The following HOTAIR variants were observed in gnomAD, a reference collection of about 807,000 sequenced individuals.
The protein encoded by HOTAIR is HOX transcript antisense RNA, also known as HOX transcript antisense RNA (non-protein coding).
chr12:53,970,455 C>T (rs1939131459), intron 1 of HOTAIR, among the ~76,000 whole-genome samples: 3 of 152,220 alleles, frequency 2.0e-5, no homozygotes, highest in South Asian at 4.1e-4. Context: ...CAGTAAATGT[C>T]TAGCTGACCT....
intron 1 of HOTAIR, among the ~76,000 whole-genome samples, chr12:53,969,291 G>A (rs1939110377): frequency 6.6e-6 from 1 of 152,242 alleles, no homozygotes; most frequent in African/African-American, 2.4e-5. Flanking sequence ...GCTTTTATGG[G>A]AAGAAATAGG....
intron 1 of HOTAIR, among the ~76,000 whole-genome samples, chr12:53,970,705 C>T (rs1425340761): frequency 2.0e-5 from 3 of 152,160 alleles, no homozygotes; most frequent in African/African-American, 4.8e-5. Flanking sequence ...GAAATAGGGC[C>T]GCCAGCAGCT....
chr12:53,962,645 A>G (rs1219723304), exon 7 of HOTAIR: 2 of 148,792 alleles, frequency 1.3e-5, no homozygotes, highest in Non-Finnish European at 3.0e-5. Flanking sequence ...ACAATTCTCT[A>G]GCAATCTTAA....
intron 5 of HOTAIR, among the ~76,000 whole-genome samples, chr12:53,964,563 C>T (rs952773672): frequency 6.6e-6 from 1 of 152,332 alleles, no homozygotes; most frequent in African/African-American, 2.4e-5. Context: ...CTGTCCCCTG[C>T]ACTTCCTGCT....
rs1406042044 is a variant in HOTAIR, at chr12:53,973,895, CAAGGAGCCGGCCA to C, written n.59+990_59+1002del. 1 of 1,448,170 alleles carries C rather than the reference CAAGGAGCCGGCCA, an allele frequency of 6.9e-7. No individual in the cohort carries two copies. Among genetic ancestry groups the C allele is most frequent in the African/African-American group, 1.4e-5 (1 of 69,282 alleles). The allele number at this position is 1,448,170 out of a possible 1,614,324, so 89.7% of individuals were successfully genotyped here. On this transcript the variant is annotated intron_variant and non_coding_transcript_variant, in intron 1 of 6. Transcript: ENST00000424518. The surrounding 1 kb of genome is among the most constrained non-coding windows in gnomAD (Gnocchi z 4.3). The stretch of plus-strand genomic sequence containing the variant: ...CGTCCGGTTCAGCCCACTCCGTGGC[CAAGGAGCCGGCCA>C]AAGGAGCCGCCCCCAGTAGGTAGCA...
At chr12:53,965,420 T>C (rs1255275164) in intron 5 of HOTAIR, among the ~76,000 whole-genome samples, 1 of 152,270 alleles carries the variant, frequency 6.6e-6, no homozygotes, top group African/African-American at 2.4e-5. Context: ...AAGTGGGCAC[T>C]GGTCCCAAAG....
chr12:53,973,825 C>G lies in HOTAIR; in HGVS notation n.59+1073G>C. 1 of 1,499,396 alleles carries G rather than the reference C, an allele frequency of 6.7e-7. No homozygotes were observed. Among genetic ancestry groups the G allele is most frequent in the Non-Finnish European group, 8.9e-7 (1 of 1,125,788 alleles). The allele number at this position is 1,499,396 out of a possible 1,614,324, so 92.9% of individuals were successfully genotyped here. A position where few individuals can be genotyped will look rare whatever the true frequency, so the allele number is the denominator to read the frequency against. On this transcript the variant is annotated intron_variant and non_coding_transcript_variant, in intron 1 of 6. Transcript: ENST00000424518. This position sits in a 1 kb window ranked among gnomAD's most constrained non-coding sequence, Gnocchi z 4.3. ...TCGGGACTGGCGTCCCGGGCTGAGG[C>G]GGGTGCCGAGGCGGAGGCTGAGGAG...
At chr12:53,965,409 C>G (rs1420425475) in intron 5 of HOTAIR, among the ~76,000 whole-genome samples, 2 of 152,238 alleles carry the variant, frequency 1.3e-5, no homozygotes, top group Non-Finnish European at 2.9e-5. Context: ...TTGTCATCCC[C>G]AAGTGGGCAC....
chr12:53,968,385 C>G (rs922223951), intron 2 of HOTAIR: 1 of 152,158 alleles, frequency 6.6e-6, no homozygotes. Flanking sequence ...GATCCATACC[C>G]GGAGATAAAA....
exon 7 of HOTAIR, chr12:53,963,394 C>A (rs1323320284): frequency 6.6e-6 from 1 of 152,242 alleles, no homozygotes; most frequent in African/African-American, 2.4e-5. Flanking sequence ...CTGTTTGGGC[C>A]TCCTAAAATT....
At chr12:53,970,257 T>C (rs1939126574) in intron 1 of HOTAIR, among the ~76,000 whole-genome samples, 1 of 152,210 alleles carries the variant, frequency 6.6e-6, no homozygotes, top group African/African-American at 2.4e-5. Context: ...ATAAGCCACC[T>C]GGAGCGGGCT....
intron 5 of HOTAIR, among the ~76,000 whole-genome samples, chr12:53,965,707 A>G (rs1939039434): frequency 6.6e-6 from 1 of 152,166 alleles, no homozygotes; most frequent in Non-Finnish European, 1.5e-5. Flanking sequence ...GAATGAGTGA[A>G]AGAAAGGGGG....
intron 2 of HOTAIR, chr12:53,968,399 T>C (rs1329609340): frequency 6.6e-6 from 1 of 152,216 alleles, no homozygotes; most frequent in Non-Finnish European, 1.5e-5. Flanking sequence ...GATAAAAGTC[T>C]AGACAATAGA....
chr12:53,969,168 T>G (rs1041366874), intron 1 of HOTAIR, among the ~76,000 whole-genome samples: 2 of 152,266 alleles, frequency 1.3e-5, no homozygotes, highest in Non-Finnish European at 2.9e-5. Flanking sequence ...TACAACTGGC[T>G]TAGGAAACTG....
intron 4 of HOTAIR, chr12:53,966,100 T>C (rs1409863563): frequency 2.6e-5 from 4 of 152,150 alleles, no homozygotes; most frequent in African/African-American, 9.7e-5. Context: ...TTACCGGGGG[T>C]GAGCCGGCCG....
In HOTAIR at chr12:53,973,626, G is replaced by C. The variant is rs202055341; in HGVS notation, n.59+1272C>G. ...CTACGGCGGCCACCACCACCCCAGC[G>C]CCCCGCACGCAACCCCCGCCGGCTT... On this transcript the variant is annotated intron_variant and non_coding_transcript_variant, in intron 1 of 6. Transcript: ENST00000424518. This position sits in a 1 kb window ranked among gnomAD's most constrained non-coding sequence, Gnocchi z 4.3. 2.5e-6 allele frequency: 4 copies of C among 1,612,826 alleles called. No individual in the cohort carries two copies. In the African/African-American group the frequency reaches 5.4e-5, roughly 22 times the overall value.
intron 1 of HOTAIR, among the ~76,000 whole-genome samples, chr12:53,974,724 C>T (rs911026272): frequency 1.8e-4 from 27 of 151,950 alleles, no homozygotes; most frequent in African/African-American, 6.3e-4. Context: ...GGCCGGCTTC[C>T]TCCCCGCCTC....
At chr12:53,970,433 G>A (rs1939131001) in intron 1 of HOTAIR, among the ~76,000 whole-genome samples, 1 of 152,210 alleles carries the variant, frequency 6.6e-6, no homozygotes, top group Admixed American at 6.5e-5. Flanking sequence ...TCCAGACCAT[G>A]GGCATTTTTG....
At chr12:53,972,458 A>G (rs1457892200) in intron 1 of HOTAIR, among the ~76,000 whole-genome samples, 1 of 152,110 alleles carries the variant, frequency 6.6e-6, no homozygotes, top group East Asian at 1.9e-4. Context: ...TTTATGACTA[A>G]TCTGACTCCC....
Sources: gnomAD v4.1 joint callset for allele counts (sites outside exome capture counted in the v4.1 genomes callset) on GRCh38, gnomAD v4.1.1 for gene constraint, Gnocchi (gnomAD v3.1) non-coding constraint, MANE v1.5 for transcripts, NCBI Gene and HGNC (gene_info 2026-07-23, HGNC 2026-07-21) for gene names.